COL28A1: variants seen among roughly 807,000 people sequenced by gnomAD.
The protein encoded by COL28A1 is collagen type XXVIII alpha 1 chain.
In COL28A1, 161 loss-of-function variants were observed where a neutral mutation model predicts 150.2. The observed-to-expected ratio is 1.07, with a 90% CI of 0.94 to 1.22. The LOEUF is 1.22. Ranked by LOEUF, COL28A1 falls within the 50% of genes most tolerant of loss-of-function variation. The pLI is 0.00. For synonymous variants in COL28A1, 552 were observed against 469.7 expected (o/e 1.18, Z -2.26); for missense variants, 1,617 against 1,388.3 (o/e 1.16, Z -2.62).
intron 7 of COL28A1, among the ~76,000 whole-genome samples, chr7:7,516,441 C>A (rs146720495): frequency 8.5e-5 from 13 of 152,334 alleles, no homozygotes; most frequent in Non-Finnish European, 1.3e-4. Flanking sequence ...GCCAGCACTT[C>A]TACTGTCTTC....
chr7:7,523,702 A>G (rs980316550), intron 4 of COL28A1, among the ~76,000 whole-genome samples: 7 of 152,186 alleles, frequency 4.6e-5, no homozygotes, highest in Admixed American at 6.5e-5. Flanking sequence ...CTATTGTGCT[A>G]AGGCTCGTCC....
chr7:7,417,031 C>A (rs967230210), intron 27 of COL28A1, among the ~76,000 whole-genome samples: 7 of 151,732 alleles, frequency 4.6e-5, no homozygotes, highest in African/African-American at 1.5e-4. Context: ...AAATAAAAAA[C>A]CAGCTTATGA....
At chr7:7,512,673 CCTT>C (rs1190185421) in intron 8 of COL28A1, among the ~76,000 whole-genome samples, 1 of 152,128 alleles carries the variant, frequency 6.6e-6, no homozygotes, top group Non-Finnish European at 1.5e-5. Flanking sequence ...AATATTATCT[CCTT>C]TATAAATCAC....
At chr7:7,459,758 T>A (rs182141376) in intron 15 of COL28A1, among the ~76,000 whole-genome samples, 37 of 152,358 alleles carry the variant, frequency 2.4e-4, no homozygotes, top group African/African-American at 8.9e-4. Context: ...AACGAGGAGC[T>A]GACCTGACCC....
chr7:7,375,339 T>C (rs2128285778), intron 31 of COL28A1, 122 bp downstream of exon 31: 5 of 897,914 alleles, frequency 5.6e-6, no homozygotes, highest in Non-Finnish European at 7.8e-6. Flanking sequence ...ACTTTTCAAA[T>C]GAGCTTCACA....
intron 26 of COL28A1, 28 bp from the exon 27 acceptor site, chr7:7,417,955 A>T: frequency 6.4e-7 from 1 of 1,572,624 alleles, no homozygotes. Context: ...GAATTTGAAG[A>T]CAAAATGTAA....
rs749758874 is a variant in COL28A1, at chr7:7,373,597, A to G, written c.2360-51T>C. The G allele has an allele frequency of 7.4e-6, 11 of 1,484,638 alleles. No homozygotes were observed. The highest frequency in any genetic ancestry group is 1.0e-5 in the Non-Finnish European group (11 of 1,084,160). The allele number at this position is 1,484,638 out of a possible 1,614,324, so 92.0% of individuals were successfully genotyped here. A position where few individuals can be genotyped will look rare whatever the true frequency, so the allele number is the denominator to read the frequency against. Reference sequence around the variant, plus strand: ...AAATTGTGGGAATGATTGACATCAGATTGTTGAGGGGAGGGGAGAAAAAGT... The same window carrying G: ...AAATTGTGGGAATGATTGACATCAGGTTGTTGAGGGGAGGGGAGAAAAAGT... On this transcript the variant is annotated intron_variant, in intron 31 of 34. Coordinates refer to ENST00000399429, the MANE Select transcript of COL28A1 (RefSeq NM_001037763.3). The surrounding 1 kb of genome is among the most constrained non-coding windows in gnomAD (Gnocchi z 4.1).
Position 7,406,428 on chromosome 7 carries a change from G to T in COL28A1, c.2136+11431C>A, listed in dbSNP as rs374139890. On this transcript the variant is annotated intron_variant, in intron 27 of 34. Transcript: ENST00000399429. ...CTATTTGCCAGATACTCTGCTAGGT[G>T]CTGGGAAGGAGAGGGGGATAAAAGA... Among the ~76,000 whole-genome samples the T allele has an allele frequency of 1.3e-4, 20 of 152,298 alleles. No homozygotes were observed. The East Asian group carries it at 3.5e-3, about 26-fold the overall frequency.
chr7:7,415,433 CCA>C (rs1784016227), intron 27 of COL28A1, among the ~76,000 whole-genome samples: 1 of 152,184 alleles, frequency 6.6e-6, no homozygotes, highest in Non-Finnish European at 1.5e-5. Context: ...GCGGTTTTTG[CCA>C]CAGTCAGGAA....
chr7:7,384,314 T>C (rs1782059984), intron 27 of COL28A1, among the ~76,000 whole-genome samples: 1 of 152,216 alleles, frequency 6.6e-6, no homozygotes, highest in African/African-American at 2.4e-5. Context: ...GTGCTTCCTC[T>C]GTTAGTTGCT....
intron 34 of COL28A1, among the ~76,000 whole-genome samples, chr7:7,359,135 C>T (rs1780492636): frequency 1.3e-5 from 2 of 152,144 alleles, no homozygotes; most frequent in African/African-American, 4.8e-5. Context: ...GACAGGACTT[C>T]TTTCATTTAC....
chr7:7,444,922 G>A (rs966757963), intron 18 of COL28A1, among the ~76,000 whole-genome samples: 1 of 152,080 alleles, frequency 6.6e-6, no homozygotes, highest in Non-Finnish European at 1.5e-5. Flanking sequence ...AGTTATGGGG[G>A]TGGACCTCCC....
In COL28A1 at chr7:7,408,305, T is replaced by C. The variant is rs540616172; in HGVS notation, c.2136+9554A>G. ...TGAGCCACAAATACTCAAACCTTCA[T>C]TATCTTTCCTTTGTTAGAGATTCTG... is the stretch of plus-strand genomic sequence containing the variant. On this transcript the variant is annotated intron_variant, in intron 27 of 34. Transcript: ENST00000399429. 4.2e-3 allele frequency among the ~76,000 whole-genome samples: 634 copies of C among 152,254 alleles called. 4 individuals carry two copies. The highest frequency in any genetic ancestry group is 0.015 in the African/African-American group (603 of 41,560).
In COL28A1 at chr7:7,532,740, T is replaced by TC. The variant is rs765433135; in HGVS notation, c.124+11_124+12insG. 1 of 1,585,556 alleles carries TC rather than the reference T, an allele frequency of 6.3e-7. No individual in the cohort carries two copies. The highest frequency in any genetic ancestry group is 8.5e-7 in the Non-Finnish European group (1 of 1,172,202). ...GGCTAAACTTAAAAACAAACAATTT[T>TC]TTTTTTTTTACCCTGGACATCACTT... On this transcript the variant is annotated intron_variant, in intron 2 of 34. Coordinates refer to ENST00000399429, the MANE Select transcript of COL28A1 (RefSeq NM_001037763.3).
At chr7:7,340,571 A>G in the COL28A1 span, among the ~76,000 whole-genome samples, 1 of 152,094 alleles carries the variant, frequency 6.6e-6, no homozygotes, top group Admixed American at 6.6e-5. Flanking sequence ...AATTAGCTCA[A>G]TGACTCCTCA....
intron 15 of COL28A1, among the ~76,000 whole-genome samples, chr7:7,462,322 T>C (rs115357437): frequency 0.048 from 7,293 of 152,200 alleles, 229 homozygotes; most frequent in South Asian, 0.078. Flanking sequence ...AACAAGGTTG[T>C]TTAACACCCC....
chr7:7,448,904 C>G (rs1346446289), intron 18 of COL28A1, among the ~76,000 whole-genome samples: 1 of 151,782 alleles, frequency 6.6e-6, no homozygotes, highest in East Asian at 1.9e-4. Flanking sequence ...TCTATGATGA[C>G]AAAAAACAGA....
At chr7:7,372,357 C>G (rs1268618076) in intron 32 of COL28A1, among the ~76,000 whole-genome samples, 2 of 151,290 alleles carry the variant, frequency 1.3e-5, no homozygotes, top group African/African-American at 4.9e-5. Flanking sequence ...TGAGATCACA[C>G]CACAGCACTC....
At chr7:7,529,244 G>A (rs980231312) in intron 3 of COL28A1, among the ~76,000 whole-genome samples, 7 of 147,826 alleles carry the variant, frequency 4.7e-5, no homozygotes, top group Admixed American at 3.5e-4. Flanking sequence ...AACCAAGATC[G>A]TGCCACTGCA....
Sources: allele counts gnomAD v4.1 joint callset (sites outside exome capture counted in the v4.1 genomes callset), GRCh38; gene constraint gnomAD v4.1.1; non-coding constraint Gnocchi (gnomAD v3.1); transcripts MANE v1.5; gene names NCBI Gene and HGNC (gene_info 2026-07-23, HGNC 2026-07-21).